Variants in WDR49 observed in about 807,000 individuals in gnomAD.
The protein encoded by WDR49 is WD repeat domain 49, also known as cilia- and flagella-associated protein 337.
WDR49 carries 107 observed loss-of-function variants against 119.5 expected under a neutral mutation model. The ratio of observed to expected loss-of-function variants is 0.90; its 90% confidence interval spans 0.77 to 1.05. The LOEUF is 1.05. Ranked by LOEUF, WDR49 falls within the 50% of genes least tolerant of loss-of-function variation. The probability of loss-of-function intolerance (pLI) is 0.00; values close to 1 mark genes in which losing one functional copy is unlikely to be tolerated. For synonymous variants in WDR49, 425 were observed against 418.8 expected (o/e 1.01, Z -0.18); for missense variants, 1,240 against 1,220.5 (o/e 1.02, Z -0.24).
intron 3 of WDR49, among the ~76,000 whole-genome samples, chr3:167,623,110 A>C (rs527904325): frequency 6.6e-6 from 1 of 152,102 alleles, no homozygotes; most frequent in African/African-American, 2.4e-5. Context: ...CAAACGTTTC[A>C]AGGAAAATCA....
chr3:167,604,423 C>A lies in WDR49; in HGVS notation c.1004G>T (p.Ser335Ile). 6.2e-7 allele frequency: 1 copy of A among 1,613,166 alleles called. No homozygotes were observed. The highest frequency in any genetic ancestry group is 8.5e-7 in the Non-Finnish European group (1 of 1,179,714). ...SLDAIISSTT[S>I]NTNSVVMAWR... ...AGCCATCACCACACTATTTGTATTGCTGGTTGTACTGGAAATGATAGCGTC... is the reference window on the plus strand; with the variant it reads ...AGCCATCACCACACTATTTGTATTGATGGTTGTACTGGAAATGATAGCGTC... The change falls in exon 6 of 19, where the codon AGC (serine) becomes ATC (isoleucine). Residue 335 changes from serine (S) to isoleucine (I), a missense_variant. Coordinates refer to ENST00000682715, the MANE Select transcript of WDR49 (RefSeq NM_001366157.1).
intron 10 of WDR49, among the ~76,000 whole-genome samples, chr3:167,538,377 A>G (rs1362748164): frequency 6.6e-6 from 1 of 152,112 alleles, no homozygotes; most frequent in African/African-American, 2.4e-5. Flanking sequence ...TCTCTTCCCC[A>G]GTCAAATCAA....
At chr3:167,535,667 C>A (rs1394692097) in intron 11 of WDR49, among the ~76,000 whole-genome samples, 1 of 151,998 alleles carries the variant, frequency 6.6e-6, no homozygotes, top group South Asian at 2.1e-4. Context: ...ATTAGTATAG[C>A]CTTTATGGAA....
intron 8 of WDR49, among the ~76,000 whole-genome samples, chr3:167,572,977 A>G (rs1378991556): frequency 6.6e-6 from 1 of 152,190 alleles, no homozygotes; most frequent in East Asian, 1.9e-4. Flanking sequence ...CCCCTTTCTA[A>G]TTCTTCCTAA....
intron 2 of WDR49, among the ~76,000 whole-genome samples, chr3:167,632,247 A>T (rs1717409870): frequency 6.6e-6 from 1 of 152,092 alleles, no homozygotes; most frequent in South Asian, 2.1e-4. Flanking sequence ...ACAAGAAACT[A>T]CTCGGACAAA....
At chr3:167,594,192 A>G (rs889392309) in intron 7 of WDR49, among the ~76,000 whole-genome samples, 4 of 152,172 alleles carry the variant, frequency 2.6e-5, no homozygotes, top group African/African-American at 9.7e-5. Context: ...TAACGGGCAA[A>G]AGTTGGAAAA....
Position 167,496,969 on chromosome 3 carries a change from G to A in WDR49, c.3031+3184C>T, listed in dbSNP as rs73878728. Among the ~76,000 whole-genome samples, 140 of 152,182 alleles carry A rather than the reference G, an allele frequency of 9.2e-4. 1 individual carries two copies. The highest frequency in any genetic ancestry group is 3.0e-3 in the African/African-American group (124 of 41,538). On this transcript the variant is annotated intron_variant, in intron 18 of 18. Transcript: ENST00000682715. Reference sequence around the variant, plus strand: ...GTCTCAATATCTGAAGTCATTCATTGTAGCCAACTTGGGTTCATTTTGACT... The same window carrying A: ...GTCTCAATATCTGAAGTCATTCATTATAGCCAACTTGGGTTCATTTTGACT...
At chr3:167,613,907 T>C (rs1263694814) in intron 5 of WDR49, among the ~76,000 whole-genome samples, 1 of 148,692 alleles carries the variant, frequency 6.7e-6, no homozygotes, top group East Asian at 2.0e-4. Context: ...ATCATGCCAC[T>C]GCAGCCTGGG....
At chr3:167,546,548 C>T (rs1367454815) in intron 10 of WDR49, among the ~76,000 whole-genome samples, 3 of 151,810 alleles carry the variant, frequency 2.0e-5, no homozygotes, top group African/African-American at 7.2e-5. Flanking sequence ...CCATTACACA[C>T]TCCACATTTG....
intron 11 of WDR49, among the ~76,000 whole-genome samples, chr3:167,533,252 G>T (rs1173526217): frequency 1.3e-5 from 2 of 152,036 alleles, no homozygotes; most frequent in African/African-American, 4.8e-5. Flanking sequence ...CAGATGCTTT[G>T]CAAATAAAAA....
intron 2 of WDR49, among the ~76,000 whole-genome samples, chr3:167,645,511 T>C (rs1174549610): frequency 6.6e-6 from 1 of 152,166 alleles, no homozygotes; most frequent in Non-Finnish European, 1.5e-5. Flanking sequence ...ATGCCCAGTC[T>C]TATTTATTTT....
intron 3 of WDR49, 100 bp downstream of exon 3, chr3:167,626,752 C>A: frequency 1.0e-6 from 1 of 1,002,736 alleles, no homozygotes; most frequent in South Asian, 5.2e-5. Flanking sequence ...GAGAAAGCCA[C>A]CAAGAGTAAT....
intron 16 of WDR49, among the ~76,000 whole-genome samples, chr3:167,518,678 G>A (rs1482852045): frequency 6.7e-6 from 1 of 149,910 alleles, no homozygotes; most frequent in Non-Finnish European, 1.5e-5. Context: ...CTCCCATATT[G>A]TAGGTTGCCT....
intron 8 of WDR49, among the ~76,000 whole-genome samples, chr3:167,573,431 A>ACAC (rs1714056207): frequency 7.8e-6 from 1 of 128,672 alleles, no homozygotes; most frequent in Non-Finnish European, 1.7e-5. Flanking sequence ...CACACACACA[A>ACAC]CACAAATAGA....
chr3:167,598,261 C>T (rs767606082), intron 7 of WDR49, among the ~76,000 whole-genome samples: 3 of 151,424 alleles, frequency 2.0e-5, no homozygotes, highest in Non-Finnish European at 4.4e-5. Flanking sequence ...GCCGAGATCA[C>T]ACCACTGCAC....
intron 11 of WDR49, among the ~76,000 whole-genome samples, chr3:167,536,085 A>G (rs1245657405): frequency 6.6e-6 from 1 of 152,094 alleles, no homozygotes; most frequent in Middle Eastern, 3.2e-3. Context: ...GGGAGGGGAG[A>G]CAGGAGGGGT....
At chr3:167,609,441 C>A (rs554057687) in intron 5 of WDR49, among the ~76,000 whole-genome samples, 48 of 152,222 alleles carry the variant, frequency 3.2e-4, no homozygotes, top group African/African-American at 1.1e-3. Context: ...GCTGTCCTGG[C>A]AAAGCAGAAA....
At chr3:167,650,758 A>AT (rs1486406643) in intron 2 of WDR49, among the ~76,000 whole-genome samples, 1 of 152,182 alleles carries the variant, frequency 6.6e-6, no homozygotes, top group Non-Finnish European at 1.5e-5. Flanking sequence ...ACTAAATGAG[A>AT]TAATTAGCTC....
At chr3:167,566,149 G>A (rs530085870) in intron 8 of WDR49, among the ~76,000 whole-genome samples, 1 of 152,236 alleles carries the variant, frequency 6.6e-6, no homozygotes, top group African/African-American at 2.4e-5. Flanking sequence ...TCCTACGCTG[G>A]TTTAGTGTAG....
Sources: allele counts gnomAD v4.1 joint callset (sites outside exome capture counted in the v4.1 genomes callset), GRCh38; gene constraint gnomAD v4.1.1; transcripts MANE v1.5; gene names NCBI Gene and HGNC (gene_info 2026-07-23, HGNC 2026-07-21).